The following XPO7 variants were observed in gnomAD, a reference collection of about 807,000 sequenced individuals.
The protein encoded by XPO7 is exportin 7.
Under a neutral mutation model 144.3 loss-of-function variants are expected in XPO7, and 21 were observed. That is an observed-to-expected ratio of 0.15 (90% CI 0.10 to 0.21). XPO7 has a LOEUF of 0.21. XPO7 is among the 10% of genes least tolerant of loss of function. The probability of loss-of-function intolerance (pLI) is 1.00; values close to 1 mark genes in which losing one functional copy is unlikely to be tolerated. For missense variants in XPO7, 808 were observed against 1,325.8 expected (o/e 0.61, Z 6.06); for synonymous variants, 580 against 499.6 (o/e 1.16, Z -2.15).
At chr8:22,002,017 C>G in intron 24 of XPO7, 95 bp from the exon 25 acceptor site, 1 of 1,438,846 alleles carries the variant, frequency 7.0e-7, no homozygotes. Context: ...GTTGAATTGG[C>G]CACGGTACCC....
chr8:21,972,353 C>CCTT (rs1812091577), intron 5 of XPO7, among the ~76,000 whole-genome samples: 1 of 152,080 alleles, frequency 6.6e-6, no homozygotes, highest in African/African-American at 2.4e-5. Context: ...GTGGCATGTG[C>CCTT]CTGTAGTCCC....
rs1267003569 is a variant in XPO7 at position 21,994,394 on chromosome 8, G to A, written c.2180G>A (p.Arg727Lys). Reference sequence around the variant, plus strand: ...CTAGTTGGCCTAGTAAGAGACCTGAGAGGGATCGCTTTCGCTTTCAATGCC... The same window carrying A: ...CTAGTTGGCCTAGTAAGAGACCTGAAAGGGATCGCTTTCGCTTTCAATGCC... ...RTLVGLVRDLRGIAFAFNAKT... is the reference protein window; with the variant it reads ...RTLVGLVRDLKGIAFAFNAKT... The change falls in exon 20 of 28, where the codon AGA (arginine) becomes AAA (lysine). Residue 727 changes from arginine to lysine, a missense_variant. Transcript: ENST00000252512. 3 of 1,612,574 alleles carry A rather than the reference G, an allele frequency of 1.9e-6. No homozygotes were observed. The highest frequency in any genetic ancestry group is 2.2e-5 in the East Asian group (1 of 44,844).
chr8:22,003,716 A>G (rs1426775454), intron 26 of XPO7, among the ~76,000 whole-genome samples, 187 bp from the exon 27 acceptor site: 3 of 152,196 alleles, frequency 2.0e-5, no homozygotes, highest in Admixed American at 6.5e-5. Context: ...AAAATTCTTG[A>G]TATTCTTAGT....
intron 1 of XPO7, among the ~76,000 whole-genome samples, chr8:21,946,629 T>C (rs945246729): frequency 6.8e-6 from 1 of 146,226 alleles, no homozygotes; most frequent in Non-Finnish European, 1.5e-5. Flanking sequence ...GTTCCACATA[T>C]GCAAAACAGG....
At position 21,969,563 on chromosome 8, in the gene XPO7, G is replaced by A. The variant is rs1472040898; in HGVS notation, c.246G>A (p.Gln82=). Residue 82 remains glutamine (Q), a synonymous_variant, in exon 3 of 28, where the codon CAG becomes CAA. Coordinates refer to ENST00000252512, the MANE Select transcript of XPO7 (RefSeq NM_015024.5). ...CAAACAACCCCCTACCATTGGAACA[G>A]CGAATAGATATTCGTAAGTGGAGAA... ...SRTNNPLPLE[Q]RIDIRNYVLN... 1 of 1,613,560 alleles carries A rather than the reference G, an allele frequency of 6.2e-7. No homozygotes were observed. The highest frequency in any genetic ancestry group is 2.2e-5 in the East Asian group (1 of 44,874).
intron 15 of XPO7, 81 bp downstream of exon 15, chr8:21,987,938 C>A: frequency 1.4e-6 from 2 of 1,410,026 alleles, no homozygotes; most frequent in Non-Finnish European, 2.0e-6. Flanking sequence ...CATTGTGCTG[C>A]CAGTGCCTGG....
intron 21 of XPO7, among the ~76,000 whole-genome samples, chr8:21,997,667 G>T (rs1812997561): frequency 1.3e-5 from 2 of 152,190 alleles, no homozygotes; most frequent in African/African-American, 4.8e-5. Flanking sequence ...TCTCATTGCT[G>T]TGGGAAGCCG....
At chr8:21,967,145 C>G (rs1213903075) in intron 2 of XPO7, 142 bp downstream of exon 2, 1 of 1,141,840 alleles carries the variant, frequency 8.8e-7, no homozygotes, top group Non-Finnish European at 1.2e-6. Context: ...TTAAGAAGTA[C>G]CATACCTACC....
chr8:21,966,800 A>G, intron 1 of XPO7, 57 bp from the exon 2 acceptor site: 4 of 1,548,376 alleles, frequency 2.6e-6, no homozygotes, highest in Non-Finnish European at 3.5e-6. Flanking sequence ...TTTTAAGCAC[A>G]GTTGCTTACA....
chr8:21,940,379 C>T (rs979156222), intron 1 of XPO7, among the ~76,000 whole-genome samples: 1 of 152,096 alleles, frequency 6.6e-6, no homozygotes, highest in South Asian at 2.1e-4. Flanking sequence ...ATTAAAGTAT[C>T]ACCATTTTAT....
At chr8:21,958,961 CAAAAAAA>C (rs34867010) in intron 1 of XPO7, among the ~76,000 whole-genome samples, 1 of 123,100 alleles carries the variant, frequency 8.1e-6, no homozygotes, top group African/African-American at 2.9e-5. Context: ...ACTCTGTCTC[CAAAAAAA>C]AAAAAAAAAA....
intron 1 of XPO7, among the ~76,000 whole-genome samples, chr8:21,934,232 T>A (rs764650411): frequency 2.0e-5 from 3 of 152,026 alleles, no homozygotes; most frequent in African/African-American, 7.2e-5. Flanking sequence ...GTGCGGTGGC[T>A]CATGCCTGTA....
At chr8:21,950,696 A>G (rs956865344) in intron 1 of XPO7, among the ~76,000 whole-genome samples, 2 of 152,178 alleles carry the variant, frequency 1.3e-5, no homozygotes, top group African/African-American at 4.8e-5. Context: ...CATATAGTAT[A>G]TACATATATA....
At chr8:21,926,602 GCTTTA>G (rs1810466668) in intron 1 of XPO7, among the ~76,000 whole-genome samples, 1 of 147,734 alleles carries the variant, frequency 6.8e-6, no homozygotes, top group Admixed American at 7.1e-5. Context: ...GAACTTCAGT[GCTTTA>G]CTTCTGTCTT....
intron 13 of XPO7, 23 bp downstream of exon 13, chr8:21,985,714 C>G (rs749365983): frequency 1.9e-6 from 3 of 1,605,990 alleles, no homozygotes; most frequent in Non-Finnish European, 2.6e-6. Flanking sequence ...CACAGAAGCT[C>G]TCCACTCTGC....
rs1812352746 is a variant in XPO7 at position 21,980,027 on chromosome 8, T to G, written c.838-57T>G. ...ATTGTAGGAGGTGGAACGTTTCTGG[T>G]GAAAGTAACTGTACAGTCTTTTTAA... is the stretch of plus-strand genomic sequence containing the variant. On this transcript the variant is annotated intron_variant, in intron 8 of 27. Transcript: ENST00000252512. The G allele has an allele frequency of 3.4e-6, 5 of 1,452,064 alleles. No individual in the cohort carries two copies. In the Admixed American group the frequency reaches 1.3e-4, roughly 39 times the overall value. The allele number at this position is 1,452,064 out of a possible 1,614,324, so 89.9% of individuals were successfully genotyped here.
At chr8:21,938,191 A>G (rs1810881999) in intron 1 of XPO7, among the ~76,000 whole-genome samples, 1 of 152,222 alleles carries the variant, frequency 6.6e-6, no homozygotes, top group Non-Finnish European at 1.5e-5. Context: ...AACCAGTTAC[A>G]TTCAAATTAG....
At position 21,995,544 on chromosome 8, in the gene XPO7, G is replaced by C. The variant is rs1399968408; in HGVS notation, c.2290G>C (p.Asp764His). The change falls in exon 21 of 28, where the codon GAT becomes CAT. Residue 764 changes from aspartate (D) to histidine (H), a missense_variant. Physicochemically the swap from Asp to His is moderately conservative, Grantham distance 81. Coordinates refer to ENST00000252512, the MANE Select transcript of XPO7 (RefSeq NM_015024.5). ...ACGGGCAATTGAGCTCTGGTACCAT[G>C]ATCCAGCCTGTACTACACCTGTACT... The part of the protein sequence containing the change: ...LQRAIELWYH[D>H]PACTTPVLKL... 1.2e-6 allele frequency: 2 copies of C among 1,610,354 alleles called. No homozygotes were observed. The highest frequency in any genetic ancestry group is 3.4e-5 in the Admixed American group (2 of 59,598).
chr8:21,993,819 T>C (rs1812845702), intron 19 of XPO7, among the ~76,000 whole-genome samples: 1 of 152,152 alleles, frequency 6.6e-6, no homozygotes, highest in African/African-American at 2.4e-5. Context: ...TCTGACTTCC[T>C]TTAGGGTATA....
Sources: gnomAD v4.1 joint callset for allele counts (sites outside exome capture counted in the v4.1 genomes callset) on GRCh38, gnomAD v4.1.1 for gene constraint, MANE v1.5 for transcripts, NCBI Gene and HGNC (gene_info 2026-07-23, HGNC 2026-07-21) for gene names.